C15orf40: variants seen among roughly 807,000 people sequenced by gnomAD.
The protein encoded by C15orf40 is chromosome 15 open reading frame 40.
Under a neutral mutation model 13.9 loss-of-function variants are expected in C15orf40, and 9 were observed. The ratio of observed to expected loss-of-function variants is 0.65; its 90% CI spans 0.39 to 1.13. The LOEUF (loss-of-function observed/expected upper bound fraction) is 1.13. Ranked by LOEUF, C15orf40 falls within the 50% of genes most tolerant of loss-of-function variation. The pLI is 0.01. For missense variants in C15orf40, 225 were observed against 188.5 expected, an observed-to-expected ratio of 1.19 and a Z score of -1.13; for synonymous variants, 95 against 69.2, an observed-to-expected ratio of 1.37 and a Z score of -1.85.
Position 83,004,864 on chromosome 15 carries a change from T to C in C15orf40, c.*733A>G. On this transcript the variant is annotated 3_prime_UTR_variant, in exon 4 of 4. Transcript: ENST00000304177. ...CAGAATTCCAGAACCGTTGTGGAGA[T>C]ATGATTTTTAATTTACAATCTAGAA... is the stretch of plus-strand genomic sequence containing the variant. 1 of 1,303,018 alleles carries C rather than the reference T, an allele frequency of 7.7e-7. No homozygotes were observed. The highest frequency in any genetic ancestry group is 1.0e-6 in the Non-Finnish European group (1 of 987,654). 80.7% of individuals were successfully genotyped at this position (1,303,018 alleles called of 1,614,324 possible).
chr15:83,008,739 T>G, intron 2 of C15orf40, 64 bp from the exon 3 acceptor site: 1 of 1,508,990 alleles, frequency 6.6e-7, no homozygotes, highest in Non-Finnish European at 8.8e-7. Context: ...AGCAAGGACA[T>G]TTTGTAAAAG....
chr15:82,994,707 TCAGTATCTTGCATTTTAAC>T (rs1424825655), downstream of C15orf40: 1 of 152,188 alleles, frequency 6.6e-6, no homozygotes, highest in Non-Finnish European at 1.5e-5. Context: ...AATTTTTCTT[TCAGTATCTTGCATTTTAAC>T]CAGAGACACA....
chr15:82,992,837 A>T (rs1033826818), downstream of C15orf40, among the ~76,000 whole-genome samples: 1 of 152,246 alleles, frequency 6.6e-6, no homozygotes, highest in African/African-American at 2.4e-5. Flanking sequence ...TGCATGAATA[A>T]TCTATGTTGT....
chr15:82,989,231 A>T (rs770211678), downstream of C15orf40: 7 of 1,599,232 alleles, frequency 4.4e-6, no homozygotes, highest in African/African-American at 9.4e-5. Context: ...GATCTGGCAG[A>T]GGATAGCTTT....
Position 83,004,969 on chromosome 15 carries a change from A to G in C15orf40, c.*628T>C. On this transcript the variant is annotated 3_prime_UTR_variant, in exon 4 of 4. Coordinates refer to ENST00000304177, the MANE Select transcript of C15orf40 (RefSeq NM_144597.3). ...GGTACAATCTTGAGTAAGTCTCTCA[A>G]CTTCTGGATATAGGAAATCAAAGGC... 3 of 1,282,092 alleles carry G rather than the reference A, an allele frequency of 2.3e-6. No homozygotes were observed. In the South Asian group the frequency reaches 3.8e-5, roughly 16 times the overall value. The allele number at this position is 1,282,092 out of a possible 1,614,324, so 79.4% of individuals were successfully genotyped here.
downstream of C15orf40, among the ~76,000 whole-genome samples, chr15:82,991,720 A>C (rs1440553265): frequency 1.3e-5 from 2 of 152,132 alleles, no homozygotes; most frequent in Non-Finnish European, 2.9e-5. Flanking sequence ...ATTGGAAATG[A>C]CCTAATAAGT....
Position 82,997,042 on chromosome 15 carries a change from AT to A in C15orf40, c.*8554del, listed in dbSNP as rs1282267470. ...TCAAATAATAATAATAATAATAATA[AT>A]TATTATTATTATTTTTAACTGACTT... On this transcript the variant is annotated 3_prime_UTR_variant, in exon 4 of 4. Coordinates refer to ENST00000304177, the MANE Select transcript of C15orf40 (RefSeq NM_144597.3). The A allele has an allele frequency of 1.4e-5, 2 of 145,806 alleles. No individual in the cohort carries two copies. The highest frequency in any genetic ancestry group is 1.5e-4 in the Admixed American group (2 of 13,726). 9.0% of individuals were successfully genotyped at this position (145,806 alleles called of 1,614,324 possible). A position where few individuals can be genotyped will look rare whatever the true frequency, so the allele number is the denominator to read the frequency against.
rs541419767 is a variant in C15orf40, at chr15:83,001,294, C to T, written c.*4303G>A. The T allele has an allele frequency of 2.7e-5, 27 of 985,458 alleles. No homozygotes were observed. The African/African-American group carries it at 4.5e-4, about 17-fold the overall frequency. The allele number at this position is 985,458 out of a possible 1,614,324, so 61.0% of individuals were successfully genotyped here. Reference sequence around the variant, plus strand: ...CTGTCGAAGTACAGCATAGGCAAACCACCTAGCAGTGTCTGTCAAGTAAGC... The same window carrying T: ...CTGTCGAAGTACAGCATAGGCAAACTACCTAGCAGTGTCTGTCAAGTAAGC... On this transcript the variant is annotated 3_prime_UTR_variant, in exon 4 of 4. Coordinates refer to ENST00000304177, the MANE Select transcript of C15orf40 (RefSeq NM_144597.3).
In C15orf40 at chr15:82,994,986, T is replaced by C. The variant is rs987662030; in HGVS notation, c.*10611A>G. 3.9e-5 allele frequency: 6 copies of C among 152,200 alleles called. No homozygotes were observed. The highest frequency in any genetic ancestry group is 2.0e-4 in the Admixed American group (3 of 15,288). The allele number at this position is 152,200 out of a possible 1,614,324, so 9.4% of individuals were successfully genotyped here. On this transcript the variant is annotated 3_prime_UTR_variant, in exon 4 of 4. Coordinates refer to ENST00000304177, the MANE Select transcript of C15orf40 (RefSeq NM_144597.3). The stretch of plus-strand genomic sequence containing the variant: ...TTCAGGATTCAGATATATCCAGATA[T>C]GACATAATATCTAAACAAAGATTTC...
In C15orf40 at chr15:83,001,380, T is replaced by C; in HGVS notation, c.*4217A>G. ...CACAAGTAATTATCATTTATTAAGG[T>C]GCGGGTGATAGATGACAGATGCAGT... On this transcript the variant is annotated 3_prime_UTR_variant, in exon 4 of 4. Coordinates refer to ENST00000304177, the MANE Select transcript of C15orf40 (RefSeq NM_144597.3). 1.2e-6 allele frequency: 1 copy of C among 823,644 alleles called. No homozygotes were observed. Among genetic ancestry groups the C allele is most frequent in the Non-Finnish European group, 1.5e-6 (1 of 682,564 alleles). 51.0% of individuals were successfully genotyped at this position (823,644 alleles called of 1,614,324 possible). A position where few individuals can be genotyped will look rare whatever the true frequency, so the allele number is the denominator to read the frequency against.
At chr15:82,990,379 A>G, downstream of C15orf40, 1 of 324,494 alleles carries the variant, frequency 3.1e-6, no homozygotes, top group East Asian at 4.2e-5. Context: ...TAAAAATTTT[A>G]AAATAGAAAA....
At position 83,000,593 on chromosome 15, in the gene C15orf40, TG is replaced by T. The variant is rs1434052411; in HGVS notation, c.*5003del. On this transcript the variant is annotated 3_prime_UTR_variant, in exon 4 of 4. Transcript: ENST00000304177. ...AGTTTCAGTTTGTGTGGCTTTTTGC[TG>T]TTGTGTTATGGTGCCACCTCTTGGA... is the stretch of plus-strand genomic sequence containing the variant. 1.3e-5 allele frequency: 2 copies of T among 152,246 alleles called. No homozygotes were observed. The highest frequency in any genetic ancestry group is 2.9e-5 in the Non-Finnish European group (2 of 68,052). 9.4% of individuals were successfully genotyped at this position (152,246 alleles called of 1,614,324 possible).
rs371075455 is a variant in C15orf40 at position 83,004,711 on chromosome 15, T to G, written c.*886A>C. 3.3e-6 allele frequency: 3 copies of G among 919,624 alleles called. No homozygotes were observed. The African/African-American group carries it at 6.1e-5, about 19-fold the overall frequency. 57.0% of individuals were successfully genotyped at this position (919,624 alleles called of 1,614,324 possible). ...TACTTTTTCAACAAAATGGTAAATA[T>G]AGTCTTTAAAAGATGTAAAAAAAAA... is the stretch of plus-strand genomic sequence containing the variant. On this transcript the variant is annotated 3_prime_UTR_variant, in exon 4 of 4. Transcript: ENST00000304177.
In C15orf40 at chr15:83,004,497, T is replaced by G. The variant is rs531762503; in HGVS notation, c.*1100A>C. The G allele has an allele frequency of 1.8e-5, 14 of 779,046 alleles. No homozygotes were observed. In the South Asian group the frequency reaches 7.6e-4, roughly 42 times the overall value. 48.3% of individuals were successfully genotyped at this position (779,046 alleles called of 1,614,324 possible). On this transcript the variant is annotated 3_prime_UTR_variant, in exon 4 of 4. Coordinates refer to ENST00000304177, the MANE Select transcript of C15orf40 (RefSeq NM_144597.3). ...TTAGCTTTTGAAACTTTAATATAGA[T>G]GTAATTTCTGACAAGCTTTTACAAA...
At chr15:82,989,819 G>A, downstream of C15orf40, 1 of 1,581,798 alleles carries the variant, frequency 6.3e-7, no homozygotes, top group Non-Finnish European at 8.6e-7. Context: ...ACTGCTATGG[G>A]TTTGTCATAT....
Position 82,995,178 on chromosome 15 carries a change from G to T in C15orf40, c.*10419C>A, listed in dbSNP as rs962165409. The T allele has an allele frequency of 1.3e-5, 2 of 152,202 alleles. No homozygotes were observed. The highest frequency in any genetic ancestry group is 1.5e-5 in the Non-Finnish European group (1 of 68,058). 9.4% of individuals were successfully genotyped at this position (152,202 alleles called of 1,614,324 possible). A position where few individuals can be genotyped will look rare whatever the true frequency, so the allele number is the denominator to read the frequency against. On this transcript the variant is annotated 3_prime_UTR_variant, in exon 4 of 4. Transcript: ENST00000304177. Reference sequence around the variant, plus strand: ...ACCAGCTTTTGAGGAAAATAAGGATGGAAGTAGAGATCCCTTGACTTGTGC... The same window carrying T: ...ACCAGCTTTTGAGGAAAATAAGGATTGAAGTAGAGATCCCTTGACTTGTGC...
downstream of C15orf40, among the ~76,000 whole-genome samples, chr15:82,989,516 T>A (rs1005781320): frequency 2.0e-5 from 3 of 152,226 alleles, no homozygotes; most frequent in Admixed American, 2.0e-4. Flanking sequence ...ATTGTTTCGA[T>A]TTTACTTTAG....
At position 83,004,978 on chromosome 15, in the gene C15orf40, T is replaced by C; in HGVS notation, c.*619A>G. On this transcript the variant is annotated 3_prime_UTR_variant, in exon 4 of 4. Transcript: ENST00000304177. ...TTGAGTAAGTCTCTCAACTTCTGGA[T>C]ATAGGAAATCAAAGGCCCCCCAACA... 1.6e-6 allele frequency: 2 copies of C among 1,277,970 alleles called. No homozygotes were observed. The highest frequency in any genetic ancestry group is 1.3e-5 in the South Asian group (1 of 79,148). 79.2% of individuals were successfully genotyped at this position (1,277,970 alleles called of 1,614,324 possible).
rs1459851424 is a variant in C15orf40 at position 83,005,059 on chromosome 15, TACA to T, written c.*535_*537del. The stretch of plus-strand genomic sequence containing the variant: ...AATATTCTTCCCAGCTCTGTTATTT[TACA>T]ACGCCATGAAATCAGAGTAACATGT... On this transcript the variant is annotated 3_prime_UTR_variant, in exon 4 of 4. Transcript: ENST00000304177. 12 of 1,199,994 alleles carry T rather than the reference TACA, an allele frequency of 1.0e-5. No homozygotes were observed. Among genetic ancestry groups the T allele is most frequent in the Non-Finnish European group, 1.3e-5 (12 of 932,074 alleles). 74.3% of individuals were successfully genotyped at this position (1,199,994 alleles called of 1,614,324 possible). A position where few individuals can be genotyped will look rare whatever the true frequency, so the allele number is the denominator to read the frequency against.
Sources: gnomAD v4.1 joint callset for allele counts (sites outside exome capture counted in the v4.1 genomes callset) on GRCh38, gnomAD v4.1.1 for gene constraint, MANE v1.5 for transcripts, NCBI Gene and HGNC (gene_info 2026-07-23, HGNC 2026-07-21) for gene names.